Variants in RPP38 observed in about 807,000 individuals in gnomAD.
RPP38 encodes ribonuclease P/MRP subunit p38.
A neutral mutation model predicts 1.7 loss-of-function variants in RPP38; 2 were observed. The observed-to-expected ratio is 1.18, with a 90% confidence interval of 0.48 to 3.70. RPP38 has a LOEUF of 3.70. Ranked by LOEUF, RPP38 falls within the 30% of genes most tolerant of loss-of-function variation. The pLI is 0.07. For missense variants in RPP38, 358 were observed against 340.1 expected (o/e 1.05, Z -0.41); for synonymous variants, 151 against 131.8 (o/e 1.15, Z -1.00).
rs755965550 is a variant in RPP38 at position 15,104,069 on chromosome 10, C to T, written c.755C>T (p.Ala252Val). 4.0e-5 allele frequency: 65 copies of T among 1,613,732 alleles called. No homozygotes were observed. In the East Asian group the frequency reaches 1.2e-3, roughly 31 times the overall value. ...PKRKLADGRQ[A>V]SVTLQPLKIK... ...AGAAAGCTTGCTGACGGTCGGCAGG[C>T]TTCTGTAACATTACAACCCCTTAAA... is the stretch of plus-strand genomic sequence containing the variant. The change falls in exon 3 of 3, where the codon GCT becomes GTT. Residue 252 changes from alanine (A) to valine (V), a missense_variant. Transcript: ENST00000378197.
In RPP38 at chr10:15,097,369, T is replaced by C. The variant is rs916170926; in HGVS notation, c.-527T>C. The C allele has an allele frequency of 1.3e-5, 2 of 152,230 alleles. No individual in the cohort carries two copies. The highest frequency in any genetic ancestry group is 4.8e-5 in the African/African-American group (2 of 41,450). The allele number at this position is 152,230 out of a possible 1,614,324, so 9.4% of individuals were successfully genotyped here. A position where few individuals can be genotyped will look rare whatever the true frequency, so the allele number is the denominator to read the frequency against. The stretch of plus-strand genomic sequence containing the variant: ...GCAGGCGCACTGGGCGCCGGTGCTG[T>C]TGCCTTCAGGTGACCACGGATTCGC... On this transcript the variant is annotated 5_prime_UTR_variant, in exon 1 of 3. Transcript: ENST00000378197.
intron 1 of RPP38, among the ~76,000 whole-genome samples, chr10:15,098,905 A>AAAAAAAAAGTC (rs1554818067): frequency 1.5e-5 from 2 of 137,034 alleles, no homozygotes; most frequent in African/African-American, 6.1e-5. Flanking sequence ...AAAAAAAAAA[A>AAAAAAAAAGTC]AGTTCCTCTG....
At chr10:15,098,226 G>GTTTTTTTTTTTTT (rs60451551) in intron 1 of RPP38, among the ~76,000 whole-genome samples, 3 of 88,010 alleles carry the variant, frequency 3.4e-5, no homozygotes, top group African/African-American at 1.0e-4. Flanking sequence ...ATTTGAACGT[G>GTTTTTTTTTTTTT]TTTTTTTTTT....
intron 1 of RPP38, among the ~76,000 whole-genome samples, chr10:15,100,183 G>A (rs1254355366): frequency 6.6e-6 from 1 of 152,144 alleles, no homozygotes; most frequent in African/African-American, 2.4e-5. Flanking sequence ...AGCCTGTTTT[G>A]TGATCCCTCT....
At chr10:15,100,873 G>C (rs1845090639) in intron 1 of RPP38, among the ~76,000 whole-genome samples, 1 of 152,058 alleles carries the variant, frequency 6.6e-6, no homozygotes, top group Admixed American at 6.6e-5. Context: ...AGTAGAGACG[G>C]GATTTCGCCA....
rs749919607 is a variant in RPP38 at position 15,103,575 on chromosome 10, T to C, written c.261T>C (p.Ser87=). 1 of 1,613,896 alleles carries C rather than the reference T, an allele frequency of 6.2e-7. No homozygotes were observed. The highest frequency in any genetic ancestry group is 8.5e-7 in the Non-Finnish European group (1 of 1,179,996). ...REKCSIAVDI[S]ENLKEKKTDA... ...AATGCAGCATTGCTGTTGATATTAG[T>C]GAGAATCTGAAGGAGAAGAAAACAG... The change falls in exon 3 of 3, where the codon AGT becomes AGC. Residue 87 remains serine, a synonymous_variant. Transcript: ENST00000378197.
chr10:15,104,194 G>C lies in RPP38; in HGVS notation c.*28G>C. 3.3e-6 allele frequency: 5 copies of C among 1,536,864 alleles called. No individual in the cohort carries two copies. Among genetic ancestry groups the C allele is most frequent in the Middle Eastern group, 1.8e-4 (1 of 5,710 alleles). ...TTGCATAAACTTGTCATGTCATACAGTTTGTGAAAGGACACCTTGTAAAGA... is the reference window on the plus strand; with the variant it reads ...TTGCATAAACTTGTCATGTCATACACTTTGTGAAAGGACACCTTGTAAAGA... On this transcript the variant is annotated 3_prime_UTR_variant, in exon 3 of 3. Coordinates refer to ENST00000378197, the MANE Select transcript of RPP38 (RefSeq NM_183005.5).
chr10:15,100,429 G>T (rs985199894), intron 1 of RPP38, among the ~76,000 whole-genome samples: 1 of 152,062 alleles, frequency 6.6e-6, no homozygotes, highest in Non-Finnish European at 1.5e-5. Context: ...AATGGGGTCA[G>T]GGGACACAGT....
chr10:15,098,924 G>C (rs1377584444), intron 1 of RPP38, among the ~76,000 whole-genome samples: 2 of 149,366 alleles, frequency 1.3e-5, no homozygotes, highest in Non-Finnish European at 3.0e-5. Context: ...TGTGAGGACT[G>C]CCTTTTCCCA....
intron 2 of RPP38, chr10:15,102,626 AAT>A (rs1268715319): frequency 6.6e-6 from 1 of 152,210 alleles, no homozygotes; most frequent in Non-Finnish European, 1.5e-5. Flanking sequence ...TAATAAATGA[AAT>A]AGACAAATGG....
rs1352842924 is a variant in RPP38, at chr10:15,103,981, C to T, written c.667C>T (p.Pro223Ser). 1 of 1,614,024 alleles carries T rather than the reference C, an allele frequency of 6.2e-7. No individual in the cohort carries two copies. Among genetic ancestry groups the T allele is most frequent in the Admixed American group, 1.7e-5 (1 of 59,992 alleles). ...EDSGENLETE[P>S]LESQDRELLD... ...TTCTGGGGAAAATTTAGAGACTGAA[C>T]CTCTGGAAAGCCAAGACAGAGAGCT... The change falls in exon 3 of 3, where the codon CCT becomes TCT. Residue 223 changes from proline to serine, a missense_variant. Transcript: ENST00000378197.
chr10:15,103,529 T>C lies in RPP38; in HGVS notation c.215T>C (p.Leu72Pro). Residue 72 changes from leucine (L) to proline (P), a missense_variant, in exon 3 of 3, where the codon CTG becomes CCG. Transcript: ENST00000378197. ...DKKKKNKTPFLKKESREKCSI... is the reference protein window; with the variant it reads ...DKKKKNKTPFPKKESREKCSI... ...AAGAAAAAGAACAAAACACCTTTTCTGAAAAAAGAAAGCAGAGAGAAATGC... is the reference window on the plus strand; with the variant it reads ...AAGAAAAAGAACAAAACACCTTTTCCGAAAAAAGAAAGCAGAGAGAAATGC... 6.2e-7 allele frequency: 1 copy of C among 1,613,990 alleles called. No individual in the cohort carries two copies. The highest frequency in any genetic ancestry group is 1.1e-5 in the South Asian group (1 of 91,078).
chr10:15,103,940 A>G lies in RPP38; in HGVS notation c.626A>G (p.Gln209Arg). ...RVPSLSVPWLQDRIEDSGENL... is the reference protein window; with the variant it reads ...RVPSLSVPWLRDRIEDSGENL... ...CCCAGTTTAAGTGTACCATGGCTTC[A>G]AGACAGAATTGAAGATTCTGGGGAA... The change falls in exon 3 of 3, where the codon CAA becomes CGA. Residue 209 changes from glutamine (Q) to arginine (R), a missense_variant. By Grantham distance (43) the Gln-to-Arg change is conservative. Coordinates refer to ENST00000378197, the MANE Select transcript of RPP38 (RefSeq NM_183005.5). 6.2e-7 allele frequency: 1 copy of G among 1,614,198 alleles called. No homozygotes were observed. The highest frequency in any genetic ancestry group is 8.5e-7 in the Non-Finnish European group (1 of 1,180,038).
chr10:15,103,944 C>A lies in RPP38; in HGVS notation c.630C>A (p.Asp210Glu), dbSNP rs1265605740. 3.1e-6 allele frequency: 5 copies of A among 1,614,128 alleles called. No individual in the cohort carries two copies. Among genetic ancestry groups the A allele is most frequent in the Non-Finnish European group, 4.2e-6 (5 of 1,180,022 alleles). Residue 210 changes from aspartate to glutamate, a missense_variant, in exon 3 of 3, where the codon GAC becomes GAA. By Grantham distance (45) the Asp-to-Glu change is conservative. Transcript: ENST00000378197. ...VPSLSVPWLQ[D>E]RIEDSGENLE... ...GTTTAAGTGTACCATGGCTTCAAGA[C>A]AGAATTGAAGATTCTGGGGAAAATT...
Position 15,097,773 on chromosome 10 carries a change from G to C in RPP38, c.-130+7G>C, listed in dbSNP as rs1318264836. 1 of 152,304 alleles carries C rather than the reference G, an allele frequency of 6.6e-6. No individual in the cohort carries two copies. Among genetic ancestry groups the C allele is most frequent in the Non-Finnish European group, 1.5e-5 (1 of 68,134 alleles). 9.4% of individuals were successfully genotyped at this position (152,304 alleles called of 1,614,324 possible). ...TAAATAGTAAAGCACCAAGGTACTC[G>C]ATCCAGGGGCGGCGTGCAGTGGGGA... On this transcript the variant is annotated splice_region_variant and intron_variant, in intron 1 of 2. Coordinates refer to ENST00000378197, the MANE Select transcript of RPP38 (RefSeq NM_183005.5).
chr10:15,101,011 A>G (rs1845094242), intron 1 of RPP38, among the ~76,000 whole-genome samples: 1 of 152,202 alleles, frequency 6.6e-6, no homozygotes, highest in Non-Finnish European at 1.5e-5. Flanking sequence ...ACAGATGCCC[A>G]GGCCTTATTA....
chr10:15,104,242 G>T lies in RPP38; in HGVS notation c.*76G>T. On this transcript the variant is annotated 3_prime_UTR_variant, in exon 3 of 3. Coordinates refer to ENST00000378197, the MANE Select transcript of RPP38 (RefSeq NM_183005.5). Reference sequence around the variant, plus strand: ...AGAAGCCTTGAAACTAATAAAATGAGTTATACTTACATAGATTCATAGGGT... The same window carrying T: ...AGAAGCCTTGAAACTAATAAAATGATTTATACTTACATAGATTCATAGGGT... 2.2e-6 allele frequency: 3 copies of T among 1,388,862 alleles called. No homozygotes were observed. Among genetic ancestry groups the T allele is most frequent in the Admixed American group, 2.4e-5 (1 of 42,312 alleles). 86.0% of individuals were successfully genotyped at this position (1,388,862 alleles called of 1,614,324 possible).
chr10:15,103,728 C>T lies in RPP38; in HGVS notation c.414C>T (p.Val138=). Residue 138 remains valine, a synonymous_variant, in exon 3 of 3, where the codon GTC becomes GTT. Transcript: ENST00000378197. ...ELLLVLVCKS[V]KPAMITSHLI... ...TGTTAGTTCTGGTGTGTAAATCAGT[C>T]AAGCCTGCCATGATCACCTCACACT... The T allele has an allele frequency of 1.2e-6, 2 of 1,613,902 alleles. No homozygotes were observed. The highest frequency in any genetic ancestry group is 1.7e-6 in the Non-Finnish European group (2 of 1,180,022).
intron 1 of RPP38, among the ~76,000 whole-genome samples, chr10:15,100,639 A>C (rs1257408037): frequency 6.6e-6 from 1 of 150,900 alleles, no homozygotes; most frequent in Non-Finnish European, 1.5e-5. Flanking sequence ...CCTGTCCTAC[A>C]CCAGTGGTTC....
Sources: gnomAD v4.1 joint callset for allele counts (sites outside exome capture counted in the v4.1 genomes callset) on GRCh38, gnomAD v4.1.1 for gene constraint, MANE v1.5 for transcripts, NCBI Gene and HGNC (gene_info 2026-07-23, HGNC 2026-07-21) for gene names.